The following GPC5 variants were observed in gnomAD, a reference collection of about 807,000 sequenced individuals.
GPC5 encodes glypican 5.
GPC5 carries 47 observed loss-of-function variants against 53.9 expected under a neutral mutation model. The observed-to-expected ratio is 0.87, with a 90% CI of 0.69 to 1.11. The LOEUF is 1.11. Ranked by LOEUF, GPC5 falls within the 50% of genes most tolerant of loss-of-function variation. GPC5 has a pLI of 0.00. For synonymous variants in GPC5, 286 were observed against 263.3 expected, an observed-to-expected ratio of 1.09 and a Z score of -0.84; for missense variants, 748 against 713.1, an observed-to-expected ratio of 1.05 and a Z score of -0.56.
chr13:91,693,426 G>T lies in GPC5; in HGVS notation c.565G>T (p.Glu189Ter). The stretch of plus-strand genomic sequence containing the variant: ...CCCTGGTGTGACTGACAGTTCCCTG[G>T]AATACTCAGAATGCATCCGGATGGC... ...INPGVTDSSL[E>*]YSECIRMARR... Residue 189 changes from glutamate to a stop codon, truncating the protein, a stop_gained, in exon 3 of 8, where the codon GAA becomes TAA. Transcript: ENST00000377067. LOFTEE classifies it high-confidence loss of function. The T allele has an allele frequency of 2.5e-6, 4 of 1,614,052 alleles. No homozygotes were observed. Among genetic ancestry groups the T allele is most frequent in the Non-Finnish European group, 3.4e-6 (4 of 1,180,006 alleles).
chr13:92,284,571 G>A (rs2042940025), intron 7 of GPC5, among the ~76,000 whole-genome samples: 1 of 152,158 alleles, frequency 6.6e-6, no homozygotes, highest in South Asian at 2.1e-4. Flanking sequence ...TCCCTGGGAT[G>A]CAAGGCTGGT....
chr13:92,080,820 C>T (rs1185975157), intron 6 of GPC5, among the ~76,000 whole-genome samples: 2 of 152,208 alleles, frequency 1.3e-5, no homozygotes, highest in African/African-American at 4.8e-5. Context: ...TGTCCTGGCT[C>T]ATCCACCCAC....
chr13:91,549,619 C>T (rs1386786531), intron 2 of GPC5, among the ~76,000 whole-genome samples: 1 of 152,076 alleles, frequency 6.6e-6, no homozygotes, highest in African/African-American at 2.4e-5. Flanking sequence ...GAGACTTCAA[C>T]AAAGAAGGCA....
intron 7 of GPC5, among the ~76,000 whole-genome samples, chr13:92,225,936 C>A (rs1371224335): frequency 1.3e-5 from 2 of 152,148 alleles, no homozygotes; most frequent in African/African-American, 2.4e-5. Context: ...TATGGTTTGG[C>A]TCTGTGTCCC....
In GPC5 at chr13:91,661,205, A is replaced by C. The variant is rs528524273; in HGVS notation, c.326-31982A>C. Among the ~76,000 whole-genome samples, 4 of 152,206 alleles carry C rather than the reference A, an allele frequency of 2.6e-5. No homozygotes were observed. In the South Asian group the frequency reaches 8.3e-4, roughly 32 times the overall value. Reference sequence around the variant, plus strand: ...TGGATCTGGGTTGCGGTGAAGGGACATCACCCTCTGTTGCTTTTCTTTCTT... The same window carrying C: ...TGGATCTGGGTTGCGGTGAAGGGACCTCACCCTCTGTTGCTTTTCTTTCTT... On this transcript the variant is annotated intron_variant, in intron 2 of 7. Coordinates refer to ENST00000377067, the MANE Select transcript of GPC5 (RefSeq NM_004466.6).
At chr13:92,082,040 G>GTAA (rs2041299960) in intron 6 of GPC5, among the ~76,000 whole-genome samples, 1 of 152,176 alleles carries the variant, frequency 6.6e-6, no homozygotes, top group Non-Finnish European at 1.5e-5. Context: ...AACCTTGGTA[G>GTAA]TAATTATAGT....
intron 6 of GPC5, among the ~76,000 whole-genome samples, chr13:92,074,347 G>A (rs1056965520): frequency 6.6e-6 from 1 of 152,202 alleles, no homozygotes; most frequent in African/African-American, 2.4e-5. Flanking sequence ...TATATGTTTA[G>A]AGATTTAGTA....
chr13:92,021,333 A>C (rs776270109), intron 6 of GPC5, among the ~76,000 whole-genome samples: 100 of 152,332 alleles, frequency 6.6e-4, no homozygotes, highest in Middle Eastern at 6.8e-3. Context: ...GACAGCATGG[A>C]TGAGCCTAGA....
chr13:91,783,680 G>T (rs553678298), intron 5 of GPC5, among the ~76,000 whole-genome samples: 5 of 152,078 alleles, frequency 3.3e-5, no homozygotes, highest in Non-Finnish European at 7.3e-5. Context: ...GATCTCAAGC[G>T]ATCTGCCCGC....
intron 2 of GPC5, among the ~76,000 whole-genome samples, chr13:91,543,136 G>T (rs1302052886): frequency 6.6e-6 from 1 of 152,122 alleles, no homozygotes; most frequent in African/African-American, 2.4e-5. Flanking sequence ...GATTACAGGC[G>T]TGAGCCACCG....
intron 7 of GPC5, among the ~76,000 whole-genome samples, chr13:92,780,087 C>T (rs1875963766): frequency 6.6e-6 from 1 of 151,906 alleles, no homozygotes; most frequent in South Asian, 2.1e-4. Context: ...CTAAGTGGAC[C>T]ATAATATTCC....
chr13:92,228,996 G>A lies in GPC5; in HGVS notation c.1561+84007G>A, dbSNP rs190002596. Among the ~76,000 whole-genome samples, 508 of 152,104 alleles carry A rather than the reference G, an allele frequency of 3.3e-3. 4 individuals carry two copies. The highest frequency in any genetic ancestry group is 0.012 in the African/African-American group (484 of 41,498). ...AAGAATGATATAAATTTTAAAACAA[G>A]TTCAAAATCAATAGCAAAACACAAA... is the stretch of plus-strand genomic sequence containing the variant. On this transcript the variant is annotated intron_variant, in intron 7 of 7. Coordinates refer to ENST00000377067, the MANE Select transcript of GPC5 (RefSeq NM_004466.6).
At chr13:92,343,054 C>A (rs940711955) in intron 7 of GPC5, among the ~76,000 whole-genome samples, 3 of 152,138 alleles carry the variant, frequency 2.0e-5, no homozygotes, top group African/African-American at 7.2e-5. Flanking sequence ...ATACATGAAA[C>A]TATACCATAG....
intron 2 of GPC5, among the ~76,000 whole-genome samples, chr13:91,500,895 A>C (rs1222583787): frequency 6.6e-6 from 1 of 152,086 alleles, no homozygotes; most frequent in African/African-American, 2.4e-5. Flanking sequence ...GTGGTGAATA[A>C]ATCTCATGAG....
Position 92,302,754 on chromosome 13 carries a change from C to CA in GPC5, c.1561+157769dup, listed in dbSNP as rs1304500716. Among the ~76,000 whole-genome samples the CA allele has an allele frequency of 4.6e-5, 7 of 152,130 alleles. No individual in the cohort carries two copies. The South Asian group carries it at 8.3e-4, about 18-fold the overall frequency. ...TGGACTAAACCCTCTTGTTTTAATT[C>CA]AAAACATCTTGATTCCCTGGGGAGT... On this transcript the variant is annotated intron_variant, in intron 7 of 7. Transcript: ENST00000377067.
chr13:91,679,060 G>GA (rs1172144503), intron 2 of GPC5, among the ~76,000 whole-genome samples: 11 of 152,058 alleles, frequency 7.2e-5, no homozygotes, highest in Admixed American at 7.2e-4. Flanking sequence ...TTTAACTGAG[G>GA]AAAAAATGGA....
rs535034929 is a variant in GPC5 at position 92,481,956 on chromosome 13, G to A, written c.1561+336967G>A. On this transcript the variant is annotated intron_variant, in intron 7 of 7. Coordinates refer to ENST00000377067, the MANE Select transcript of GPC5 (RefSeq NM_004466.6). The stretch of plus-strand genomic sequence containing the variant: ...TCAGCCTGGCCAATATGGGGAAACC[G>A]CATCTCTACTAAAAATACAAAAAAA... 1.1e-3 allele frequency among the ~76,000 whole-genome samples: 164 copies of A among 151,880 alleles called. 3 individuals carry two copies. The highest frequency in any genetic ancestry group is 3.3e-3 in the African/African-American group (136 of 41,420).
intron 6 of GPC5, among the ~76,000 whole-genome samples, chr13:92,032,243 A>G (rs529268011): frequency 1.3e-5 from 2 of 150,656 alleles, no homozygotes; most frequent in South Asian, 4.2e-4. Context: ...GAGATTGCAA[A>G]GGCATAAGAA....
intron 7 of GPC5, among the ~76,000 whole-genome samples, chr13:92,440,830 C>T (rs980457718): frequency 3.9e-5 from 6 of 152,100 alleles, no homozygotes; most frequent in South Asian, 2.1e-4. Context: ...TTTCGATTTG[C>T]GTTTCTCTGA....
Sources: allele counts gnomAD v4.1 joint callset (sites outside exome capture counted in the v4.1 genomes callset), GRCh38; gene constraint gnomAD v4.1.1; transcripts MANE v1.5; gene names NCBI Gene and HGNC (gene_info 2026-07-23, HGNC 2026-07-21).